The following PRRX2 variants were observed in gnomAD, a reference collection of about 807,000 sequenced individuals.
PRRX2 encodes the protein paired related homeobox 2.
Under a neutral mutation model 18.0 loss-of-function variants are expected in PRRX2, and 11 were observed. The ratio of observed to expected loss-of-function variants is 0.61; its 90% CI spans 0.39 to 1.01. The LOEUF (loss-of-function observed/expected upper bound fraction) is 1.01, where lower values mean the gene tolerates loss of function less well. Ranked by LOEUF, PRRX2 falls within the 50% of genes least tolerant of loss-of-function variation. The pLI, the probability that PRRX2 is intolerant of heterozygous loss-of-function variation, is 0.01. For missense variants in PRRX2, 387 were observed against 351.0 expected (o/e 1.10, Z -0.82); for synonymous variants, 177 against 154.8 (o/e 1.14, Z -1.06).
Position 129,709,768 on chromosome 9 carries a change from C to T in PRRX2, c.260-9463C>T, listed in dbSNP as rs1398642214. Reference sequence around the variant, plus strand: ...CAGGGCAGTGGCTGGTGGTGGCCGGCCTCCCCCAGCCTCTTCCTCACTCGG... The same window carrying T: ...CAGGGCAGTGGCTGGTGGTGGCCGGTCTCCCCCAGCCTCTTCCTCACTCGG... On this transcript the variant is annotated intron_variant, in intron 1 of 3. Coordinates refer to ENST00000372469, the MANE Select transcript of PRRX2 (RefSeq NM_016307.4). The surrounding 1 kb of genome is among the most constrained non-coding windows in gnomAD (Gnocchi z 4.2). Among the ~76,000 whole-genome samples, 2 of 151,604 alleles carry T rather than the reference C, an allele frequency of 1.3e-5. No individual in the cohort carries two copies. The highest frequency in any genetic ancestry group is 4.0e-4 in the East Asian group (2 of 5,054).
At chr9:129,676,179 C>A (rs1368263122) in intron 1 of PRRX2, among the ~76,000 whole-genome samples, 1 of 152,300 alleles carries the variant, frequency 6.6e-6, no homozygotes, top group Admixed American at 6.5e-5. Context: ...TTGCTGAGAG[C>A]CCATGTCTGA....
chr9:129,692,537 G>C (rs1832374040), intron 1 of PRRX2, among the ~76,000 whole-genome samples: 1 of 152,262 alleles, frequency 6.6e-6, no homozygotes, highest in South Asian at 2.1e-4. Context: ...TGCCCTAACA[G>C]TCCCCCGGGT....
At chr9:129,681,578 G>C (rs1414780797) in intron 1 of PRRX2, among the ~76,000 whole-genome samples, 1 of 152,090 alleles carries the variant, frequency 6.6e-6, no homozygotes, top group Admixed American at 6.6e-5. Flanking sequence ...TTGTGGATGC[G>C]GCAGCAGGTG....
intron 1 of PRRX2, among the ~76,000 whole-genome samples, chr9:129,701,129 T>C (rs1183047548): frequency 6.6e-6 from 1 of 152,254 alleles, no homozygotes; most frequent in African/African-American, 2.4e-5. Flanking sequence ...GGGGAAGGGC[T>C]GTGAGGCCGT....
chr9:129,668,540 G>A (rs926099485), intron 1 of PRRX2, among the ~76,000 whole-genome samples: 3 of 152,114 alleles, frequency 2.0e-5, no homozygotes, highest in African/African-American at 7.2e-5. Context: ...TGCTTTGGGA[G>A]GCTGAGGTGG....
intron 1 of PRRX2, among the ~76,000 whole-genome samples, chr9:129,685,316 C>T (rs1235019101): frequency 6.6e-6 from 1 of 152,244 alleles, no homozygotes; most frequent in Non-Finnish European, 1.5e-5. Context: ...GTCCGCTTGC[C>T]GTGCCATCAC....
rs762929485 is a variant in PRRX2, at chr9:129,715,750, T to TCTCTCTCTCTCTCACACACA, written c.260-3480_260-3479insTCTCTCTCTCTCACACACAC. Among the ~76,000 whole-genome samples, 7 of 138,952 alleles carry TCTCTCTCTCTCTCACACACA rather than the reference T, an allele frequency of 5.0e-5. No individual in the cohort carries two copies. Among genetic ancestry groups the TCTCTCTCTCTCTCACACACA allele is most frequent in the South Asian group, 2.5e-4 (1 of 4,038 alleles). The allele number at this position is 138,952 out of a possible 152,430, so 91.2% of individuals were successfully genotyped here. ...AAACCCAGCTTCAGGGACATCTTTC[T>TCTCTCTCTCTCTCACACACA]CACACACACACACACACACACACAC... On this transcript the variant is annotated intron_variant, in intron 1 of 3. Coordinates refer to ENST00000372469, the MANE Select transcript of PRRX2 (RefSeq NM_016307.4). The surrounding 1 kb of genome is among the most constrained non-coding windows in gnomAD (Gnocchi z 4.0).
chr9:129,693,598 CAAAA>C (rs61440612), intron 1 of PRRX2, among the ~76,000 whole-genome samples: 3 of 105,238 alleles, frequency 2.9e-5, no homozygotes, highest in Non-Finnish European at 2.3e-5. Flanking sequence ...AACTCTGTCT[CAAAA>C]AAAAAAAAAA....
At chr9:129,684,647 G>C (rs73670171) in intron 1 of PRRX2, among the ~76,000 whole-genome samples, 3 of 152,072 alleles carry the variant, frequency 2.0e-5, no homozygotes, top group Admixed American at 2.0e-4. Flanking sequence ...CTGATTGGCC[G>C]AGGCCTGGGC....
chr9:129,711,652 A>T (rs1463044353), intron 1 of PRRX2, among the ~76,000 whole-genome samples: 1 of 150,304 alleles, frequency 6.7e-6, no homozygotes, highest in Non-Finnish European at 1.5e-5. Context: ...CAGGCATTCC[A>T]CTCGCCTCGG....
intron 1 of PRRX2, among the ~76,000 whole-genome samples, chr9:129,706,984 A>G (rs1038867162): frequency 2.6e-5 from 4 of 152,048 alleles, no homozygotes; most frequent in African/African-American, 9.7e-5. Context: ...GGCCTGGTGC[A>G]GTGGCTCACG....
intron 1 of PRRX2, among the ~76,000 whole-genome samples, chr9:129,694,565 G>A (rs371062778): frequency 8.2e-4 from 125 of 152,190 alleles, no homozygotes; most frequent in African/African-American, 1.3e-3. Context: ...ATGCGTGCTC[G>A]GCAGGGAGGC....
intron 1 of PRRX2, among the ~76,000 whole-genome samples, chr9:129,686,775 C>T (rs963930215): frequency 6.6e-6 from 1 of 152,204 alleles, no homozygotes; most frequent in Non-Finnish European, 1.5e-5. Flanking sequence ...CCTCCGGATT[C>T]GCCCTCACCA....
At chr9:129,693,887 C>T (rs1297258608) in intron 1 of PRRX2, among the ~76,000 whole-genome samples, 1 of 152,142 alleles carries the variant, frequency 6.6e-6, no homozygotes, top group Non-Finnish European at 1.5e-5. Context: ...ATGAGCGTGT[C>T]AAGGGACAAG....
intron 1 of PRRX2, among the ~76,000 whole-genome samples, chr9:129,718,335 G>C (rs920125731): frequency 6.6e-6 from 1 of 152,124 alleles, no homozygotes; most frequent in African/African-American, 2.4e-5. Flanking sequence ...TCCCCGGCCA[G>C]CTCCTCATCC....
chr9:129,720,463 G>C, intron 2 of PRRX2, 133 bp from the exon 3 acceptor site: 1 of 776,746 alleles, frequency 1.3e-6, no homozygotes, highest in Admixed American at 3.2e-5. Context: ...CCATTCTACA[G>C]ATGAAAAAAC....
At chr9:129,696,103 G>A (rs1377945034) in intron 1 of PRRX2, among the ~76,000 whole-genome samples, 1 of 152,002 alleles carries the variant, frequency 6.6e-6, no homozygotes, top group African/African-American at 2.4e-5. Flanking sequence ...GAAAGGTGGG[G>A]TAGGGAGTCA....
At chr9:129,679,103 C>T (rs539785265) in intron 1 of PRRX2, among the ~76,000 whole-genome samples, 6 of 152,226 alleles carry the variant, frequency 3.9e-5, no homozygotes, top group Non-Finnish European at 7.4e-5. Context: ...GAGGTGGGGA[C>T]GGGGGTGCAG....
chr9:129,720,841 C>T, intron 3 of PRRX2, 67 bp downstream of exon 3: 1 of 1,421,964 alleles, frequency 7.0e-7, no homozygotes, highest in Non-Finnish European at 9.3e-7. Context: ...CTTTTCCGGC[C>T]TGGACTCCTC....
Sources: allele counts gnomAD v4.1 joint callset (sites outside exome capture counted in the v4.1 genomes callset), GRCh38; gene constraint gnomAD v4.1.1; non-coding constraint Gnocchi (gnomAD v3.1); transcripts MANE v1.5; gene names NCBI Gene and HGNC (gene_info 2026-07-23, HGNC 2026-07-21).